The following ZNF236 variants were observed in gnomAD, a reference collection of about 807,000 sequenced individuals.
ZNF236 encodes regulated by glucose.
A neutral mutation model predicts 191.2 loss-of-function variants in ZNF236; 50 were observed. That is an observed-to-expected ratio of 0.26 (90% CI 0.21 to 0.33). The LOEUF (loss-of-function observed/expected upper bound fraction) is 0.33. ZNF236 is among the 10% of genes least tolerant of loss of function. ZNF236 has a pLI of 1.00. For synonymous variants in ZNF236, 907 were observed against 928.8 expected, an observed-to-expected ratio of 0.98 and a Z score of 0.43; for missense variants, 1,754 against 2,374.5, an observed-to-expected ratio of 0.74 and a Z score of 5.43.
chr18:76,906,036 C>T (rs1348200090), intron 13 of ZNF236, among the ~76,000 whole-genome samples: 1 of 152,168 alleles, frequency 6.6e-6, no homozygotes, highest in African/African-American at 2.4e-5. Context: ...AGGGTGACCA[C>T]AGCTTAGGAG....
intron 28 of ZNF236, among the ~76,000 whole-genome samples, chr18:76,956,595 C>T (rs1052563389): frequency 6.6e-6 from 1 of 152,202 alleles, no homozygotes; most frequent in East Asian, 1.9e-4. Context: ...TGTGTGCTCA[C>T]CCTGGGGACC....
Position 76,908,526 on chromosome 18 carries a change from C to G in ZNF236, c.2504C>G (p.Ala835Gly). 4 of 1,613,154 alleles carry G rather than the reference C, an allele frequency of 2.5e-6. 1 individual carries two copies. The highest frequency in any genetic ancestry group is 3.3e-4 in the Middle Eastern group (2 of 6,058). The change falls in exon 14 of 31, where the codon GCA (alanine) becomes GGA (glycine). Residue 835 changes from alanine (A) to glycine (G), a missense_variant. Coordinates refer to ENST00000320610, the MANE Select transcript of ZNF236 (RefSeq NM_001306089.2). Reference protein sequence around the residue: ...EPQHVVGTEEAGLGQQLADQP... With the variant: ...EPQHVVGTEEGGLGQQLADQP... ...CAGCATGTGGTGGGCACGGAGGAAG[C>G]AGGGCTGGGCCAGCAGTTGGCAGAT...
chr18:76,929,010 G>A (rs918088963), intron 25 of ZNF236, among the ~76,000 whole-genome samples: 2 of 148,518 alleles, frequency 1.3e-5, no homozygotes, highest in Non-Finnish European at 3.0e-5. Flanking sequence ...TGATGTGACA[G>A]AGGGAAGCAG....
At position 76,960,855 on chromosome 18, in the gene ZNF236, G is replaced by A; in HGVS notation, c.5419G>A (p.Gly1807Arg). Residue 1807 changes from glycine to arginine, a missense_variant and splice_region_variant, in exon 30 of 31, where the codon GGA becomes AGA. Gly to Arg is a moderately radical substitution (Grantham distance 125). Around this residue, in one of 5 missense-constraint regions of ZNF236, gnomAD observed 606 missense variants for 761.5 expected, o/e 0.80. Coordinates refer to ENST00000320610, the MANE Select transcript of ZNF236 (RefSeq NM_001306089.2). The surrounding 1 kb of genome is among the most constrained non-coding windows in gnomAD (Gnocchi z 4.4). Reference sequence around the variant, plus strand: ...CATGAAGCGGGCGCACAGCTATGCTGGTGAGAATGCTGCACCCGGGAGTGC... The same window carrying A: ...CATGAAGCGGGCGCACAGCTATGCTAGTGAGAATGCTGCACCCGGGAGTGC... The part of the protein sequence containing the change: ...LHMKRAHSYA[G>R]ALQESAGHPE... The A allele has an allele frequency of 6.2e-7, 1 of 1,609,244 alleles. No homozygotes were observed. Among genetic ancestry groups the A allele is most frequent in the South Asian group, 1.1e-5 (1 of 90,928 alleles).
chr18:76,887,782 A>C (rs1033977950), intron 9 of ZNF236, among the ~76,000 whole-genome samples: 2 of 152,156 alleles, frequency 1.3e-5, no homozygotes, highest in African/African-American at 4.8e-5. Flanking sequence ...GTGTCAAGAG[A>C]ACAGCACAGG....
intron 13 of ZNF236, among the ~76,000 whole-genome samples, chr18:76,907,053 C>T (rs1977761631): frequency 6.6e-6 from 1 of 152,220 alleles, no homozygotes; most frequent in Non-Finnish European, 1.5e-5. Context: ...GTGGCTTTTA[C>T]AGGCCCCTGC....
Position 76,875,635 on chromosome 18 carries a change from C to T in ZNF236, c.811C>T (p.Gln271Ter), listed in dbSNP as rs899032824. Residue 271 changes from glutamine (Q) to a stop codon, truncating the protein, a stop_gained, in exon 6 of 31, where the codon CAG (glutamine) becomes TAG (stop). Coordinates refer to ENST00000320610, the MANE Select transcript of ZNF236 (RefSeq NM_001306089.2). LOFTEE classifies it high-confidence loss of function. The surrounding 1 kb of genome is among the most constrained non-coding windows in gnomAD (Gnocchi z 4.3). ...PAAFSQKGNL[Q>*]SHVQRVHSEV... The stretch of plus-strand genomic sequence containing the variant: ...CGCCTTCTCTCAGAAAGGGAATCTT[C>T]AGTCGCACGTGCAGCGAGTCCACTC... The T allele has an allele frequency of 6.3e-7, 1 of 1,598,156 alleles. No individual in the cohort carries two copies. Among genetic ancestry groups the T allele is most frequent in the East Asian group, 2.3e-5 (1 of 44,144 alleles).
chr18:76,850,728 G>C (rs1016861068), intron 2 of ZNF236, among the ~76,000 whole-genome samples: 2 of 151,644 alleles, frequency 1.3e-5, no homozygotes, highest in Non-Finnish European at 2.9e-5. Context: ...TCAGCTTCCC[G>C]AGTAGCTGGG....
At chr18:76,946,934 G>T (rs1968277935) in intron 26 of ZNF236, among the ~76,000 whole-genome samples, 2 of 152,162 alleles carry the variant, frequency 1.3e-5, no homozygotes, top group Admixed American at 1.3e-4. Context: ...GGTTTTCAGT[G>T]TATTTACAGA....
Position 76,822,636 on chromosome 18 carries a change from G to C in ZNF236, c.29G>C (p.Arg10Thr), listed in dbSNP as rs1974881789. 1 of 149,274 alleles carries C rather than the reference G, an allele frequency of 6.7e-6. No homozygotes were observed. The highest frequency in any genetic ancestry group is 1.5e-5 in the Non-Finnish European group (1 of 67,718). The allele number at this position is 149,274 out of a possible 1,614,324, so 9.2% of individuals were successfully genotyped here. A position where few individuals can be genotyped will look rare whatever the true frequency, so the allele number is the denominator to read the frequency against. MPRGRPPKP[R>T]ESKARGDSDG... Reference sequence around the variant, plus strand: ...CCGCGGGGCCGCCCCCCGAAGCCCAGGGAGAGCAAGGCGCGCGGCGACTCC... The same window carrying C: ...CCGCGGGGCCGCCCCCCGAAGCCCACGGAGAGCAAGGCGCGCGGCGACTCC... Residue 10 changes from arginine (R) to threonine (T), a missense_variant, in exon 1 of 31, where the codon AGG becomes ACG. By Grantham distance (71) the Arg-to-Thr change is moderately conservative. This residue lies in a region of ZNF236 where 336 missense variants were observed against 495.1 expected (regional missense o/e 0.68). Transcript: ENST00000320610.
At chr18:76,864,577 A>C (rs1345398165) in intron 3 of ZNF236, among the ~76,000 whole-genome samples, 2 of 152,022 alleles carry the variant, frequency 1.3e-5, no homozygotes, top group East Asian at 1.9e-4. Context: ...ACACAAAAAG[A>C]ATAAGTAAGA....
intron 3 of ZNF236, among the ~76,000 whole-genome samples, chr18:76,861,946 C>T (rs1013747217): frequency 2.6e-5 from 4 of 152,208 alleles, no homozygotes; most frequent in Non-Finnish European, 5.9e-5. Context: ...TCACTGCAAG[C>T]TCCACCTCCT....
rs1977705937 is a variant in ZNF236 at position 76,905,170 on chromosome 18, AAAACCTTTT to A, written c.2056_2064del (p.Pro686_Lys688del). 1 of 1,613,264 alleles carries A rather than the reference AAAACCTTTT, an allele frequency of 6.2e-7. No homozygotes were observed. Among genetic ancestry groups the A allele is most frequent in the Admixed American group, 1.7e-5 (1 of 59,914 alleles). ...TTTTTTTAAGATCCCATACAGGTGA[AAAACCTTTT>A]AAATGTTCTCAGTGTGGAAGAGGCT... On this transcript the variant is annotated inframe_deletion, in exon 13 of 31. Transcript: ENST00000320610.
chr18:76,871,540 T>C (rs1465388474), intron 4 of ZNF236, among the ~76,000 whole-genome samples, 161 bp from the exon 5 acceptor site: 7 of 152,234 alleles, frequency 4.6e-5, no homozygotes. Context: ...TTTTTAAAAC[T>C]AACACATATA....
chr18:76,883,077 G>A (rs1976942726), intron 9 of ZNF236, among the ~76,000 whole-genome samples: 1 of 152,192 alleles, frequency 6.6e-6, no homozygotes, highest in African/African-American at 2.4e-5. Flanking sequence ...GAGAAGGTGA[G>A]CACCACCCCG....
intron 11 of ZNF236, among the ~76,000 whole-genome samples, chr18:76,899,883 G>GAGGCTCAC (rs2122723565): frequency 6.6e-6 from 1 of 152,286 alleles, no homozygotes; most frequent in South Asian, 2.1e-4. Flanking sequence ...ACTTCTCACA[G>GAGGCTCAC]TTCTAGAGGC....
intron 12 of ZNF236, among the ~76,000 whole-genome samples, 168 bp from the exon 13 acceptor site, chr18:76,904,987 C>G (rs778026129): frequency 6.6e-6 from 1 of 152,240 alleles, no homozygotes; most frequent in Non-Finnish European, 1.5e-5. Flanking sequence ...CTTAAGCACT[C>G]TGAGTCTCAG....
intron 16 of ZNF236, 52 bp from the exon 17 acceptor site, chr18:76,912,192 G>A (rs765041779): frequency 5.0e-6 from 7 of 1,392,438 alleles, no homozygotes; most frequent in Non-Finnish European, 7.1e-6. Flanking sequence ...GTTGTTTTAT[G>A]TTTATTCACA....
At position 76,839,194 on chromosome 18, in the gene ZNF236, C is replaced by T. The variant is rs144502148; in HGVS notation, c.56-10332C>T. ...AATTGTGCTACTGTGAATGTTTAAA[C>T]ATGGCGTTTGGGTGCACATACGTAC... On this transcript the variant is annotated intron_variant, in intron 1 of 30. Coordinates refer to ENST00000320610, the MANE Select transcript of ZNF236 (RefSeq NM_001306089.2). Among the ~76,000 whole-genome samples, 191 of 152,322 alleles carry T rather than the reference C, an allele frequency of 1.3e-3. 1 individual carries two copies. Among genetic ancestry groups the T allele is most frequent in the African/African-American group, 4.3e-3 (178 of 41,582 alleles).
Sources: allele counts gnomAD v4.1 joint callset (sites outside exome capture counted in the v4.1 genomes callset), GRCh38; gene constraint gnomAD v4.1.1; regional missense constraint gnomAD v4.1.1; non-coding constraint Gnocchi (gnomAD v3.1); transcripts MANE v1.5; gene names NCBI Gene and HGNC (gene_info 2026-07-23, HGNC 2026-07-21).